The following RPS6KA2 variants were observed in gnomAD, a reference collection of about 807,000 sequenced individuals.
RPS6KA2 encodes ribosomal protein S6 kinase A2, also known as ribosomal protein S6 kinase alpha-2.
RPS6KA2 carries 42 observed loss-of-function variants against 91.8 expected under a neutral mutation model. The ratio of observed to expected loss-of-function variants is 0.46; its 90% CI spans 0.36 to 0.59. RPS6KA2 has a LOEUF of 0.59. Among genes scored for constraint, RPS6KA2 ranks in the 20% least tolerant of loss-of-function variants. The pLI is 0.00. For missense variants in RPS6KA2, 798 were observed against 978.5 expected (o/e 0.82, Z 2.46); for synonymous variants, 414 against 393.6 (o/e 1.05, Z -0.61).
intron 2 of RPS6KA2, among the ~76,000 whole-genome samples, chr6:166,636,571 T>C (rs1030857318): frequency 7.2e-5 from 11 of 152,162 alleles, no homozygotes; most frequent in African/African-American, 2.7e-4. Context: ...TCTTCCTCCT[T>C]CTCCTTCATC....
At chr6:166,587,719 G>A (rs1227802666) in intron 1 of RPS6KA2, among the ~76,000 whole-genome samples, 3 of 151,738 alleles carry the variant, frequency 2.0e-5, no homozygotes, top group Non-Finnish European at 4.4e-5. Flanking sequence ...GGATTCAGAA[G>A]TAGAAGATGA....
intron 2 of RPS6KA2, among the ~76,000 whole-genome samples, chr6:166,753,218 C>T (rs138515485): frequency 6.6e-6 from 1 of 152,290 alleles, no homozygotes; most frequent in African/African-American, 2.4e-5. Flanking sequence ...CCGGAGCACC[C>T]AGTAAAGAAG....
intron 2 of RPS6KA2, among the ~76,000 whole-genome samples, chr6:166,728,358 C>T (rs1435245549): frequency 2.6e-5 from 4 of 152,206 alleles, no homozygotes; most frequent in South Asian, 2.1e-4. Flanking sequence ...ATGACCTGGA[C>T]GCAGGGGTCC....
chr6:166,801,536 A>G (rs1779366586), intron 2 of RPS6KA2, among the ~76,000 whole-genome samples: 1 of 152,010 alleles, frequency 6.6e-6, no homozygotes, highest in Non-Finnish European at 1.5e-5. Context: ...TCGTGAAGAT[A>G]AAGCCTTGCT....
intron 2 of RPS6KA2, among the ~76,000 whole-genome samples, chr6:166,669,379 G>C (rs991110095): frequency 1.3e-5 from 2 of 152,120 alleles, no homozygotes; most frequent in African/African-American, 4.8e-5. Context: ...ATGTGTAGAG[G>C]GTGGGTTTGG....
chr6:166,478,998 T>TCACAGAG (rs2128468884), intron 10 of RPS6KA2, among the ~76,000 whole-genome samples: 1 of 152,320 alleles, frequency 6.6e-6, no homozygotes, highest in East Asian at 1.9e-4. Context: ...GGCTCTCGCT[T>TCACAGAG]CACTTTGCTT....
rs138080300 is a variant in RPS6KA2 at position 166,466,259 on chromosome 6, T to C, written c.972+3582A>G. Among the ~76,000 whole-genome samples, 253 of 152,296 alleles carry C rather than the reference T, an allele frequency of 1.7e-3. 1 individual carries two copies. The highest frequency in any genetic ancestry group is 6.0e-3 in the African/African-American group (248 of 41,546). On this transcript the variant is annotated intron_variant, in intron 11 of 20. Coordinates refer to ENST00000265678, the MANE Select transcript of RPS6KA2 (RefSeq NM_021135.6). ...AGGCGCTGTGTAGAGAAGGCTCTTA[T>C]TGCCACAGGAAAAAGGCGGCTTCTG... is the stretch of plus-strand genomic sequence containing the variant.
chr6:166,819,974 T>G (rs1161638144), intron 2 of RPS6KA2, among the ~76,000 whole-genome samples: 1 of 152,176 alleles, frequency 6.6e-6, no homozygotes, highest in South Asian at 2.1e-4. Context: ...GGGCACTATA[T>G]GAGAGTGTGT....
chr6:166,785,440 T>C (rs1014671380), intron 2 of RPS6KA2, among the ~76,000 whole-genome samples: 2 of 152,256 alleles, frequency 1.3e-5, no homozygotes, highest in African/African-American at 2.4e-5. Flanking sequence ...TTCTACTTAC[T>C]TGAGGGTTTA....
At position 166,559,295 on chromosome 6, in the gene RPS6KA2, A is replaced by G. The variant is rs575214289; in HGVS notation, c.100-20511T>C. 9.2e-5 allele frequency among the ~76,000 whole-genome samples: 14 copies of G among 152,320 alleles called. No individual in the cohort carries two copies. In the South Asian group the frequency reaches 2.5e-3, roughly 27 times the overall value. ...AAAGAGTTCTGCATTTTCTTTCTCA[A>G]TGCACAGGGATAGAGGCATGTAACA... On this transcript the variant is annotated intron_variant, in intron 1 of 20. Coordinates refer to ENST00000265678, the MANE Select transcript of RPS6KA2 (RefSeq NM_021135.6).
intron 2 of RPS6KA2, among the ~76,000 whole-genome samples, chr6:166,749,859 T>G (rs976065626): frequency 2.0e-5 from 3 of 150,084 alleles, no homozygotes; most frequent in Non-Finnish European, 4.4e-5. Flanking sequence ...CTCCTCCTCC[T>G]CCTCCTCCCA....
chr6:166,799,675 G>A (rs752548863), intron 2 of RPS6KA2, among the ~76,000 whole-genome samples: 12 of 152,018 alleles, frequency 7.9e-5, no homozygotes, highest in Admixed American at 6.6e-4. Flanking sequence ...AGAGTTGTGC[G>A]AGAGTTTTAT....
intron 2 of RPS6KA2, among the ~76,000 whole-genome samples, chr6:166,856,262 GAC>G (rs1780900719): frequency 6.6e-6 from 1 of 152,154 alleles, no homozygotes; most frequent in Non-Finnish European, 1.5e-5. Flanking sequence ...CTTGAGGGTG[GAC>G]TTCTCATGAA....
At position 166,563,328 on chromosome 6, in the gene RPS6KA2, G is replaced by C. The variant is rs1784398420; in HGVS notation, c.100-24544C>G. On this transcript the variant is annotated intron_variant, in intron 1 of 20. Transcript: ENST00000265678. The surrounding 1 kb of genome is among the most constrained non-coding windows in gnomAD (Gnocchi z 4.1). ...AGGAGCGGGGGCCAACCCGGAATCA[G>C]CCTCTGTTCCTTCTTTTCCGCAGCT... Among the ~76,000 whole-genome samples, 1 of 152,316 alleles carries C rather than the reference G, an allele frequency of 6.6e-6. No individual in the cohort carries two copies. Among genetic ancestry groups the C allele is most frequent in the East Asian group, 1.9e-4 (1 of 5,186 alleles).
At position 166,821,108 on chromosome 6, in the gene RPS6KA2, C is replaced by T. The variant is rs16899547; in HGVS notation, c.123+37092G>A. 2.2e-4 allele frequency among the ~76,000 whole-genome samples: 33 copies of T among 152,240 alleles called. No individual in the cohort carries two copies. The highest frequency in any genetic ancestry group is 7.0e-4 in the African/African-American group (29 of 41,518). On this transcript the variant is annotated intron_variant, in intron 2 of 21. Coordinates refer to the RPS6KA2 transcript ENST00000503859. The surrounding 1 kb of genome is among the most constrained non-coding windows in gnomAD (Gnocchi z 4.1). ...TTAGGTTACCATATTTTGTATCACA[C>T]GCTAGGCACAGAGTGAGCACATAGG...
At chr6:166,567,802 C>T (rs574980975) in intron 1 of RPS6KA2, among the ~76,000 whole-genome samples, 14 of 152,300 alleles carry the variant, frequency 9.2e-5, no homozygotes, top group Non-Finnish European at 1.8e-4. Context: ...ATTACCTAGA[C>T]CAGCAGGAGA....
intron 2 of RPS6KA2, among the ~76,000 whole-genome samples, chr6:166,690,509 C>T (rs1789172521): frequency 6.6e-6 from 1 of 152,226 alleles, no homozygotes; most frequent in Non-Finnish European, 1.5e-5. Context: ...TTACACAGTT[C>T]TCGGGATTCT....
Position 166,858,098 on chromosome 6 carries a change from T to C in RPS6KA2, c.123+102A>G, listed in dbSNP as rs144962377. The C allele has an allele frequency of 9.2e-3, 7,153 of 779,990 alleles. 158 individuals are homozygous for C. Among genetic ancestry groups the C allele is most frequent in the East Asian group, 0.05 (2,072 of 41,042 alleles). 48.3% of individuals were successfully genotyped at this position (779,990 alleles called of 1,614,324 possible). A position where few individuals can be genotyped will look rare whatever the true frequency, so the allele number is the denominator to read the frequency against. ...GAGACACATATGTCACTAAAATAAC[T>C]GCTCACAGATATTTAATTTCAAACT... On this transcript the variant is annotated intron_variant, in intron 2 of 21. Transcript: ENST00000503859.
intron 1 of RPS6KA2, among the ~76,000 whole-genome samples, chr6:166,860,967 A>G (rs1487594922): frequency 6.6e-6 from 1 of 152,202 alleles, no homozygotes; most frequent in Non-Finnish European, 1.5e-5. Flanking sequence ...CACCCCAGGT[A>G]CTTTCCATGA....
Sources: allele counts gnomAD v4.1 joint callset (sites outside exome capture counted in the v4.1 genomes callset), GRCh38; gene constraint gnomAD v4.1.1; non-coding constraint Gnocchi (gnomAD v3.1); transcripts MANE v1.5; gene names NCBI Gene and HGNC (gene_info 2026-07-23, HGNC 2026-07-21).